The following PDZD2 variants were observed in gnomAD, a reference collection of about 807,000 sequenced individuals.
The protein encoded by PDZD2 is PDZ domain-containing protein 2.
A neutral mutation model predicts 220.7 loss-of-function variants in PDZD2; 90 were observed. The ratio of observed to expected loss-of-function variants is 0.41; its 90% confidence interval spans 0.34 to 0.49. The LOEUF (loss-of-function observed/expected upper bound fraction) is 0.49. Ranked by LOEUF, PDZD2 falls within the 20% of genes least tolerant of loss-of-function variation. The probability of loss-of-function intolerance (pLI) is 0.28; values close to 1 mark genes in which losing one functional copy is unlikely to be tolerated. For synonymous variants in PDZD2, 1,375 were observed against 1,450.5 expected (o/e 0.95, Z 1.18); for missense variants, 3,174 against 3,608.5 (o/e 0.88, Z 3.08).
intron 1 of PDZD2, among the ~76,000 whole-genome samples, chr5:31,700,912 C>T (rs1419380323): frequency 6.6e-6 from 1 of 152,224 alleles, no homozygotes; most frequent in African/African-American, 2.4e-5. Context: ...AGCTAGACGT[C>T]TCTGAAAGTG....
At chr5:31,931,890 G>A (rs775329447) in intron 2 of PDZD2, among the ~76,000 whole-genome samples, 4 of 152,066 alleles carry the variant, frequency 2.6e-5, no homozygotes, top group Non-Finnish European at 4.4e-5. Flanking sequence ...GGAGGGGTGG[G>A]CCACAGCCGC....
At chr5:32,034,570 G>A (rs531880945) in intron 6 of PDZD2, among the ~76,000 whole-genome samples, 250 of 151,588 alleles carry the variant, frequency 1.6e-3, no homozygotes, top group Non-Finnish European at 3.0e-3. Context: ...CATGTTGGCC[G>A]GGCTGGTCTT....
chr5:31,725,526 C>G (rs1749072726), intron 1 of PDZD2: 1 of 1,340,264 alleles, frequency 7.5e-7, no homozygotes, highest in South Asian at 1.5e-5. Flanking sequence ...ATGGTTTATA[C>G]TACCAGGGGC....
chr5:31,794,178 C>G (rs765210399), intron 1 of PDZD2, among the ~76,000 whole-genome samples: 12 of 152,106 alleles, frequency 7.9e-5, no homozygotes, highest in Non-Finnish European at 1.6e-4. Flanking sequence ...TTCTCGCTAT[C>G]CTCTGACATT....
At chr5:32,092,475 G>A (rs1164207992) in intron 20 of PDZD2, among the ~76,000 whole-genome samples, 1 of 151,878 alleles carries the variant, frequency 6.6e-6, no homozygotes, top group Non-Finnish European at 1.5e-5. Context: ...GGGAGGCTGA[G>A]GCACGAGAAT....
chr5:32,018,495 C>T (rs998075068), intron 6 of PDZD2, among the ~76,000 whole-genome samples: 11 of 152,322 alleles, frequency 7.2e-5, no homozygotes, highest in African/African-American at 2.2e-4. Flanking sequence ...CAACCTGCTC[C>T]GGATCCTCAT....
intron 1 of PDZD2, among the ~76,000 whole-genome samples, chr5:31,699,546 C>T (rs1032689824): frequency 1.3e-5 from 2 of 151,966 alleles, no homozygotes; most frequent in African/African-American, 2.4e-5. Context: ...CCCAGGAGTT[C>T]GAGATCAGCC....
At position 32,088,478 on chromosome 5, in the gene PDZD2, A is replaced by C. The variant is rs781308691; in HGVS notation, c.5030A>C (p.Glu1677Ala). The C allele has an allele frequency of 3.2e-5, 51 of 1,614,044 alleles. No homozygotes were observed. The Middle Eastern group carries it at 4.9e-4, about 16-fold the overall frequency. ...TTGGAGATGAGCTCTCAGGAGCATGAAACTCATGCGGACATAAGCACTTCA... is the reference window on the plus strand; with the variant it reads ...TTGGAGATGAGCTCTCAGGAGCATGCAACTCATGCGGACATAAGCACTTCA... Reference protein sequence around the residue: ...SLLEMSSQEHETHADISTSQN... With the variant: ...SLLEMSSQEHATHADISTSQN... The change falls in exon 20 of 25, where the codon GAA (glutamate) becomes GCA (alanine). Residue 1677 changes from glutamate (E) to alanine (A), a missense_variant. Glu to Ala is a moderately radical substitution (Grantham distance 107). Around this residue, in one of 4 missense-constraint regions of PDZD2, gnomAD observed 1,861 missense variants for 2,001.0 expected, o/e 0.93. Transcript: ENST00000438447. This position sits in a 1 kb window ranked among gnomAD's most constrained non-coding sequence, Gnocchi z 4.6.
At chr5:31,911,499 A>G (rs1480474969) in intron 2 of PDZD2, among the ~76,000 whole-genome samples, 2 of 152,240 alleles carry the variant, frequency 1.3e-5, no homozygotes, top group Non-Finnish European at 2.9e-5. Context: ...TGGCCACTGC[A>G]TCGCCCCTGT....
At chr5:31,868,154 A>T (rs561248257) in intron 2 of PDZD2, among the ~76,000 whole-genome samples, 1 of 152,276 alleles carries the variant, frequency 6.6e-6, no homozygotes, top group South Asian at 2.1e-4. Flanking sequence ...TTGTTCTAAA[A>T]GCAGCTGTTG....
chr5:32,099,506 C>T (rs1182251702), intron 23 of PDZD2: 2 of 152,348 alleles, frequency 1.3e-5, no homozygotes, highest in South Asian at 2.1e-4. Context: ...CCAGATGCCT[C>T]CATGGTCCCC....
At chr5:31,938,727 T>C (rs1745972619) in intron 2 of PDZD2, among the ~76,000 whole-genome samples, 1 of 152,244 alleles carries the variant, frequency 6.6e-6, no homozygotes, top group African/African-American at 2.4e-5. Context: ...TTCTCATATT[T>C]AGAACAATGT....
chr5:31,983,996 C>T (rs895615919), intron 3 of PDZD2, among the ~76,000 whole-genome samples: 5 of 152,200 alleles, frequency 3.3e-5, no homozygotes, highest in Admixed American at 2.6e-4. Flanking sequence ...TAAAGTACTT[C>T]ACTGCATCGT....
At chr5:31,967,512 T>C (rs59476545) in intron 2 of PDZD2, among the ~76,000 whole-genome samples, 2,021 of 152,290 alleles carry the variant, frequency 0.013, 41 homozygotes, top group African/African-American at 0.045. Flanking sequence ...AGGGGCAGTG[T>C]GCAACTCAGC....
intron 5 of PDZD2, among the ~76,000 whole-genome samples, chr5:32,002,772 C>CCACACA (rs1752302192): frequency 8.3e-6 from 1 of 120,702 alleles, no homozygotes; most frequent in Non-Finnish European, 1.7e-5. Flanking sequence ...ACACCACACA[C>CCACACA]ACCAACACAC....
intron 2 of PDZD2, among the ~76,000 whole-genome samples, chr5:31,870,243 C>T (rs984808444): frequency 9.9e-5 from 15 of 152,154 alleles, no homozygotes; most frequent in Admixed American, 9.8e-4. Context: ...AGTTATATAG[C>T]TTACCACATA....
chr5:31,828,378 G>A (rs1756358066), intron 2 of PDZD2, among the ~76,000 whole-genome samples: 1 of 152,208 alleles, frequency 6.6e-6, no homozygotes, highest in African/African-American at 2.4e-5. Context: ...CCATCCTAGT[G>A]GGTGTGAAGC....
chr5:31,775,664 CGTGTGTGTGTGT>C lies in PDZD2; in HGVS notation c.-360-23194_-360-23183del, dbSNP rs370394146. On this transcript the variant is annotated intron_variant, in intron 1 of 24. Transcript: ENST00000438447. ...GGAGTGGAGAGCTGCACTCACAGAG[CGTGTGTGTGTGT>C]GTGTGTGTGTGTGTGTGTGTGTGTG... Among the ~76,000 whole-genome samples the C allele has an allele frequency of 4.7e-4, 63 of 135,472 alleles. No individual in the cohort carries two copies. In the South Asian group the frequency reaches 4.7e-3, roughly 10 times the overall value. 88.9% of individuals were successfully genotyped at this position (135,472 alleles called of 152,430 possible).
chr5:31,697,273 G>A (rs1747415744), intron 1 of PDZD2, among the ~76,000 whole-genome samples: 1 of 152,144 alleles, frequency 6.6e-6, no homozygotes, highest in African/African-American at 2.4e-5. Context: ...GACCAGCCTG[G>A]CCAACATGGT....
Sources: gnomAD v4.1 joint callset for allele counts (sites outside exome capture counted in the v4.1 genomes callset) on GRCh38, gnomAD v4.1.1 for gene constraint, gnomAD v4.1.1 regional missense constraint, Gnocchi (gnomAD v3.1) non-coding constraint, MANE v1.5 for transcripts, NCBI Gene and HGNC (gene_info 2026-07-23, HGNC 2026-07-21) for gene names.